ADGRB3: variants seen among roughly 807,000 people sequenced by gnomAD.
The protein encoded by ADGRB3 is brain-specific angiogenesis inhibitor 3.
ADGRB3 carries 37 observed loss-of-function variants against 193.4 expected under a neutral mutation model. The ratio of observed to expected loss-of-function variants is 0.19; its 90% CI spans 0.15 to 0.25. The LOEUF is 0.25. Ranked by LOEUF, ADGRB3 falls within the 10% of genes least tolerant of loss-of-function variation. ADGRB3 has a pLI of 1.00. For synonymous variants in ADGRB3, 690 were observed against 644.2 expected (o/e 1.07, Z -1.08); for missense variants, 1,637 against 1,852.9 (o/e 0.88, Z 2.14).
chr6:68,712,246 A>G (rs1295257753), intron 3 of ADGRB3, among the ~76,000 whole-genome samples: 2 of 151,972 alleles, frequency 1.3e-5, no homozygotes, highest in Non-Finnish European at 2.9e-5. Context: ...TTCCTTTCAT[A>G]AATAAAGAGG....
chr6:69,013,870 C>T (rs145670485), intron 11 of ADGRB3, among the ~76,000 whole-genome samples, 168 bp from the exon 12 acceptor site: 5 of 152,134 alleles, frequency 3.3e-5, no homozygotes, highest in African/African-American at 1.2e-4. Context: ...CCTAGAATTA[C>T]GGTTCTGTAA....
chr6:69,244,439 T>C (rs1766447806), intron 20 of ADGRB3, among the ~76,000 whole-genome samples: 1 of 152,096 alleles, frequency 6.6e-6, no homozygotes, highest in South Asian at 2.1e-4. Context: ...AATTCAACTA[T>C]TTGTCCCATG....
intron 3 of ADGRB3, among the ~76,000 whole-genome samples, chr6:68,846,910 A>G (rs1422951778): frequency 6.6e-6 from 1 of 152,142 alleles, no homozygotes; most frequent in Non-Finnish European, 1.5e-5. Flanking sequence ...ATGCACCTAG[A>G]AAAGCCACAG....
chr6:69,312,279 A>C (rs1235225702), intron 20 of ADGRB3, among the ~76,000 whole-genome samples: 1 of 151,806 alleles, frequency 6.6e-6, no homozygotes, highest in African/African-American at 2.4e-5. Flanking sequence ...GATGATGTCC[A>C]AGTTCCTGGT....
chr6:68,782,386 A>G (rs375912194), intron 3 of ADGRB3, among the ~76,000 whole-genome samples: 4 of 151,552 alleles, frequency 2.6e-5, no homozygotes, highest in South Asian at 4.2e-4. Context: ...TGGACATTTG[A>G]GTTGGTTCCA....
At chr6:69,211,772 G>T in intron 17 of ADGRB3, among the ~76,000 whole-genome samples, 1 of 152,134 alleles carries the variant, frequency 6.6e-6, no homozygotes, top group South Asian at 2.1e-4. Flanking sequence ...AAGAATAGAC[G>T]ACTCCATACC....
chr6:69,140,170 C>T (rs1774288595), intron 17 of ADGRB3, among the ~76,000 whole-genome samples: 1 of 152,060 alleles, frequency 6.6e-6, no homozygotes, highest in African/African-American at 2.4e-5. Context: ...TACTAATTGA[C>T]AATATTATAT....
At chr6:69,144,267 C>A (rs533899870) in intron 17 of ADGRB3, among the ~76,000 whole-genome samples, 14 of 152,212 alleles carry the variant, frequency 9.2e-5, no homozygotes, top group Middle Eastern at 6.8e-3. Context: ...GAAACTGAAT[C>A]CTGAATCCTG....
chr6:69,150,094 G>A (rs1774630767), intron 17 of ADGRB3, among the ~76,000 whole-genome samples: 1 of 152,048 alleles, frequency 6.6e-6, no homozygotes, highest in South Asian at 2.1e-4. Context: ...AATGCTCACT[G>A]TAACCACTAC....
In ADGRB3 at chr6:69,346,117, C is replaced by T. The variant is rs1011912297; in HGVS notation, c.3459+6613C>T. Among the ~76,000 whole-genome samples the T allele has an allele frequency of 3.9e-5, 6 of 152,288 alleles. No homozygotes were observed. The South Asian group carries it at 1.2e-3, about 32-fold the overall frequency. On this transcript the variant is annotated intron_variant, in intron 26 of 31. Coordinates refer to ENST00000370598, the MANE Select transcript of ADGRB3 (RefSeq NM_001704.3). ...GAGAGGACACAAACAAATGGAAAAA[C>T]ATTCCATGCTCATGGATAGGAAGAA...
intron 5 of ADGRB3, among the ~76,000 whole-genome samples, chr6:68,939,640 G>T (rs189057115): frequency 2.0e-5 from 3 of 152,120 alleles, no homozygotes; most frequent in South Asian, 2.1e-4. Flanking sequence ...TCTGGTTATG[G>T]TATTTGTTAT....
chr6:68,698,905 C>T (rs1335535142), intron 3 of ADGRB3, among the ~76,000 whole-genome samples: 2 of 151,898 alleles, frequency 1.3e-5, no homozygotes, highest in African/African-American at 4.8e-5. Context: ...ATAGGTAGGT[C>T]TAGGCATATA....
intron 13 of ADGRB3, among the ~76,000 whole-genome samples, chr6:69,032,985 C>T (rs1278319004): frequency 6.6e-6 from 1 of 152,124 alleles, no homozygotes; most frequent in African/African-American, 2.4e-5. Context: ...TACTGAGTAG[C>T]CACTCAGTCC....
intron 13 of ADGRB3, among the ~76,000 whole-genome samples, chr6:69,034,369 A>G (rs1295316959): frequency 6.6e-6 from 1 of 151,706 alleles, no homozygotes; most frequent in Admixed American, 6.6e-5. Context: ...AAATATCTTT[A>G]AAATCACAGA....
chr6:68,873,693 T>A (rs1484325873), intron 3 of ADGRB3, among the ~76,000 whole-genome samples: 2 of 152,128 alleles, frequency 1.3e-5, no homozygotes, highest in African/African-American at 4.8e-5. Flanking sequence ...CAATGAAAAG[T>A]GTACGATATC....
intron 17 of ADGRB3, among the ~76,000 whole-genome samples, chr6:69,112,588 T>C (rs1773397689): frequency 6.6e-6 from 1 of 152,094 alleles, no homozygotes; most frequent in African/African-American, 2.4e-5. Flanking sequence ...TCAATGTGTG[T>C]GTATATATAG....
intron 13 of ADGRB3, among the ~76,000 whole-genome samples, chr6:69,022,968 A>G (rs965709305): frequency 6.6e-6 from 1 of 152,056 alleles, no homozygotes; most frequent in African/African-American, 2.4e-5. Flanking sequence ...TATTTTTCAC[A>G]ATAGCTTCAT....
At chr6:68,777,685 AAAAC>A (rs1766775122) in intron 3 of ADGRB3, among the ~76,000 whole-genome samples, 1 of 151,670 alleles carries the variant, frequency 6.6e-6, no homozygotes, top group African/African-American at 2.4e-5. Context: ...AAAAAAAAAA[AAAAC>A]GACTACTAAA....
At chr6:68,917,926 A>G (rs1371175076) in intron 3 of ADGRB3, among the ~76,000 whole-genome samples, 1 of 152,188 alleles carries the variant, frequency 6.6e-6, no homozygotes, top group African/African-American at 2.4e-5. Context: ...TTTGGTTATC[A>G]AATAACCAAT....
Sources: gnomAD v4.1 joint callset for allele counts (sites outside exome capture counted in the v4.1 genomes callset) on GRCh38, gnomAD v4.1.1 for gene constraint, MANE v1.5 for transcripts, NCBI Gene and HGNC (gene_info 2026-07-23, HGNC 2026-07-21) for gene names.